ATF7: variants seen among roughly 807,000 people sequenced by gnomAD.
ATF7 encodes the protein cyclic AMP-dependent transcription factor ATF-7.
Under a neutral mutation model 50.4 loss-of-function variants are expected in ATF7, and 10 were observed. That is an observed-to-expected ratio of 0.20 (90% CI 0.12 to 0.34). The LOEUF (loss-of-function observed/expected upper bound fraction) is 0.34, where lower values mean the gene tolerates loss of function less well. ATF7 is among the 10% of genes least tolerant of loss of function. The probability of loss-of-function intolerance (pLI) is 1.00; values close to 1 mark genes in which losing one functional copy is unlikely to be tolerated. For synonymous variants in ATF7, 201 were observed against 226.4 expected (o/e 0.89, Z 1.01); for missense variants, 465 against 613.9 (o/e 0.76, Z 2.56).
At chr12:53,615,168 G>A (rs1944067050) in intron 1 of ATF7, among the ~76,000 whole-genome samples, 1 of 151,944 alleles carries the variant, frequency 6.6e-6, no homozygotes, top group African/African-American at 2.4e-5. Flanking sequence ...CGGATCACAA[G>A]GTCAGGAGAT....
chr12:53,566,056 G>T (rs1306441261), intron 2 of ATF7, among the ~76,000 whole-genome samples: 3 of 152,144 alleles, frequency 2.0e-5, no homozygotes, highest in East Asian at 3.9e-4. Flanking sequence ...ATCAGATCTA[G>T]TGAGATTTAT....
chr12:53,550,337 AATAAATAAAT>A (rs1940271360), intron 3 of ATF7, among the ~76,000 whole-genome samples: 2 of 136,008 alleles, frequency 1.5e-5, no homozygotes, highest in African/African-American at 2.7e-5. Context: ...AAAAAAAATA[AATAAATAAAT>A]AAATAAATAA....
intron 2 of ATF7, among the ~76,000 whole-genome samples, chr12:53,558,611 G>A (rs1047793834): frequency 2.6e-5 from 4 of 152,096 alleles, no homozygotes; most frequent in Non-Finnish European, 1.5e-5. Flanking sequence ...CAGACTGAAT[G>A]GAATTCTCAT....
chr12:53,524,457 C>A lies in ATF7; in HGVS notation c.1125+107G>T, dbSNP rs1592780686. ...TTCTTCATGGGACAACTAGATCTGT[C>A]CTAATTAGAGAATTACCATCTTCTA... On this transcript the variant is annotated intron_variant, in intron 10 of 11. Coordinates refer to ENST00000420353, the MANE Select transcript of ATF7 (RefSeq NM_006856.3). This position sits in a 1 kb window ranked among gnomAD's most constrained non-coding sequence, Gnocchi z 4.6. The A allele has an allele frequency of 3.9e-6, 5 of 1,278,046 alleles. No individual in the cohort carries two copies. The East Asian group carries it at 1.2e-4, about 30-fold the overall frequency. 79.2% of individuals were successfully genotyped at this position (1,278,046 alleles called of 1,614,324 possible). A position where few individuals can be genotyped will look rare whatever the true frequency, so the allele number is the denominator to read the frequency against.
intron 1 of ATF7, among the ~76,000 whole-genome samples, chr12:53,612,468 T>G (rs1321015453): frequency 6.6e-6 from 1 of 151,828 alleles, no homozygotes. Context: ...GACATGGGGT[T>G]TCACCACATT....
chr12:53,623,639 G>C (rs1479974812), intron 1 of ATF7, among the ~76,000 whole-genome samples: 4 of 152,138 alleles, frequency 2.6e-5, no homozygotes, highest in Non-Finnish European at 2.9e-5. Flanking sequence ...AAACTTCCTT[G>C]CAAGGAGAAG....
intron 1 of ATF7, among the ~76,000 whole-genome samples, chr12:53,603,339 C>A (rs972341438): frequency 6.6e-6 from 1 of 151,388 alleles, no homozygotes; most frequent in African/African-American, 2.4e-5. Flanking sequence ...TATTTAGTGG[C>A]ACACTTACTA....
downstream of ATF7, among the ~76,000 whole-genome samples, chr12:53,510,812 C>G (rs1468037521): frequency 2.0e-5 from 3 of 152,176 alleles, no homozygotes; most frequent in Non-Finnish European, 4.4e-5. Flanking sequence ...TGGGTTGATT[C>G]CTCTAATTTT....
At chr12:53,568,011 T>G (rs565513313) in intron 2 of ATF7, among the ~76,000 whole-genome samples, 173 of 152,370 alleles carry the variant, frequency 1.1e-3, no homozygotes, top group African/African-American at 4.0e-3. Flanking sequence ...TTACAATTTC[T>G]GGATCTCACA....
intron 2 of ATF7, among the ~76,000 whole-genome samples, chr12:53,580,929 T>C (rs1166952421): frequency 6.6e-6 from 1 of 151,336 alleles, no homozygotes; most frequent in Non-Finnish European, 1.5e-5. Flanking sequence ...CTGGTCAACA[T>C]GGTGAAACCC....
chr12:53,579,179 G>C (rs995540136), intron 2 of ATF7, among the ~76,000 whole-genome samples: 3 of 152,166 alleles, frequency 2.0e-5, no homozygotes, highest in Non-Finnish European at 4.4e-5. Context: ...GGGAGGCAGA[G>C]GTTACAGTGA....
chr12:53,599,180 T>C (rs1046964927), intron 2 of ATF7, among the ~76,000 whole-genome samples: 2 of 152,006 alleles, frequency 1.3e-5, no homozygotes, highest in Admixed American at 6.6e-5. Context: ...ACTACAGGCG[T>C]GTGCCACCAT....
intron 3 of ATF7, among the ~76,000 whole-genome samples, chr12:53,551,868 T>C (rs1198231795): frequency 2.0e-5 from 3 of 152,250 alleles, no homozygotes; most frequent in Non-Finnish European, 4.4e-5. Flanking sequence ...TTGGTTTGTA[T>C]GTCTGCCTAG....
intron 2 of ATF7, among the ~76,000 whole-genome samples, chr12:53,562,004 T>A: frequency 6.6e-6 from 1 of 152,218 alleles, no homozygotes; most frequent in East Asian, 1.9e-4. Context: ...CCCACCAAAC[T>A]GTACCTAAGG....
At chr12:53,570,513 A>G (rs568203795) in intron 2 of ATF7, among the ~76,000 whole-genome samples, 1 of 152,302 alleles carries the variant, frequency 6.6e-6, no homozygotes, top group South Asian at 2.1e-4. Flanking sequence ...TGCCTCCAGT[A>G]TAGACCTGTC....
intron 3 of ATF7, among the ~76,000 whole-genome samples, chr12:53,551,676 C>G (rs1940363802): frequency 6.6e-6 from 1 of 152,182 alleles, no homozygotes; most frequent in Non-Finnish European, 1.5e-5. Flanking sequence ...GAAGTTCTGT[C>G]TCTCCTTCTC....
Position 53,544,771 on chromosome 12 carries a change from A to C in ATF7, c.146-1323T>G, listed in dbSNP as rs576797948. ...CTCAAAAAAACAAACAAAAAAACCC[A>C]AAAACACCCCTTCTAGCCTGATCAA... On this transcript the variant is annotated intron_variant, in intron 3 of 11. Transcript: ENST00000420353. 6.8e-4 allele frequency among the ~76,000 whole-genome samples: 103 copies of C among 152,172 alleles called. 1 individual carries two copies. In the South Asian group the frequency reaches 0.018, roughly 26 times the overall value.
At chr12:53,621,460 T>G (rs568172893) in intron 1 of ATF7, among the ~76,000 whole-genome samples, 49 of 152,026 alleles carry the variant, frequency 3.2e-4, no homozygotes, top group African/African-American at 1.0e-3. Flanking sequence ...AAAATGATAA[T>G]TACAGGGATA....
intron 1 of ATF7, among the ~76,000 whole-genome samples, chr12:53,612,297 T>A (rs981387654): frequency 2.0e-5 from 3 of 150,932 alleles, no homozygotes; most frequent in Non-Finnish European, 4.4e-5. Context: ...CTTTTTCTTT[T>A]CTTTTTTAAG....
Sources: allele counts gnomAD v4.1 joint callset (sites outside exome capture counted in the v4.1 genomes callset), GRCh38; gene constraint gnomAD v4.1.1; non-coding constraint Gnocchi (gnomAD v3.1); transcripts MANE v1.5; gene names NCBI Gene and HGNC (gene_info 2026-07-23, HGNC 2026-07-21).